The following XAB2 variants were observed in gnomAD, a reference collection of about 807,000 sequenced individuals.
XAB2 encodes the protein XPA binding protein 2, also known as pre-mRNA-splicing factor SYF1.
XAB2 carries 57 observed loss-of-function variants against 113.4 expected under a neutral mutation model. The observed-to-expected ratio is 0.50, with a 90% CI of 0.41 to 0.63. XAB2 has a LOEUF of 0.63. XAB2 is among the 20% of genes least tolerant of loss of function. XAB2 has a pLI of 0.00. For synonymous variants in XAB2, 497 were observed against 498.8 expected (o/e 1.00, Z 0.05); for missense variants, 1,037 against 1,233.3 (o/e 0.84, Z 2.38).
chr19:7,622,503 G>A (rs2031055181), intron 11 of XAB2, 27 bp downstream of exon 11: 6 of 1,613,662 alleles, frequency 3.7e-6, no homozygotes, highest in Non-Finnish European at 5.1e-6. Context: ...CCGGGGCCCC[G>A]TCCCTCCCCA....
In XAB2 at chr19:7,622,505, C is replaced by T. The variant is rs1459926972; in HGVS notation, c.1503+25G>A. 5.6e-6 allele frequency: 9 copies of T among 1,613,678 alleles called. No individual in the cohort carries two copies. The East Asian group carries it at 1.8e-4, about 32-fold the overall frequency. On this transcript the variant is annotated intron_variant, in intron 11 of 18. Transcript: ENST00000358368. ...TCTGGAGCTGAGTCCGGGGCCCCGTCCCTCCCCAGCCACAGGCAGCTCACC... is the reference window on the plus strand; with the variant it reads ...TCTGGAGCTGAGTCCGGGGCCCCGTTCCTCCCCAGCCACAGGCAGCTCACC...
chr19:7,623,368 G>A lies in XAB2; in HGVS notation c.1120-79C>T, dbSNP rs892261200. 3.2e-6 allele frequency: 5 copies of A among 1,574,326 alleles called. No individual in the cohort carries two copies. Among genetic ancestry groups the A allele is most frequent in the Admixed American group, 3.4e-5 (2 of 58,914 alleles). On this transcript the variant is annotated intron_variant, in intron 8 of 18. Transcript: ENST00000358368. The surrounding 1 kb of genome is among the most constrained non-coding windows in gnomAD (Gnocchi z 4.6). Reference sequence around the variant, plus strand: ...TCGGGGCAGAGCTGTGGCTCTGAGGGGTGGGGCCTGGAGGGTGCTGTGGCC... The same window carrying A: ...TCGGGGCAGAGCTGTGGCTCTGAGGAGTGGGGCCTGGAGGGTGCTGTGGCC...
chr19:7,621,095 G>GGGCCCCCCCCCCCCCCCCCCCCCCCCCCC, intron 13 of XAB2, 40 bp downstream of exon 13: 1 of 1,486,312 alleles, frequency 6.7e-7, no homozygotes, highest in Non-Finnish European at 9.0e-7. Flanking sequence ...CAGAAACCCA[G>GGGCCCCCCCCCCCCCCCCCCCCCCCCCCC]CCCGCCCGCC....
At chr19:7,621,583 AC>A in intron 12 of XAB2, 1 of 453,708 alleles carries the variant, frequency 2.2e-6, no homozygotes. Context: ...AGCTCCGCTG[AC>A]GCTGGCTGCC....
Position 7,623,104 on chromosome 19 carries a change from A to C in XAB2, c.1239+66T>G. 6.3e-7 allele frequency: 1 copy of C among 1,598,118 alleles called. No individual in the cohort carries two copies. Among genetic ancestry groups the C allele is most frequent in the South Asian group, 1.1e-5 (1 of 89,974 alleles). On this transcript the variant is annotated intron_variant, in intron 9 of 18. Transcript: ENST00000358368. The surrounding 1 kb of genome is among the most constrained non-coding windows in gnomAD (Gnocchi z 4.6). ...CATGCACAAATATGTACACACACAT[A>C]CATGCACACATATACAAGCACACAC... is the stretch of plus-strand genomic sequence containing the variant.
Position 7,625,546 on chromosome 19 carries a change from G to A in XAB2, c.822+334C>T, listed in dbSNP as rs1245022312. On this transcript the variant is annotated intron_variant, in intron 6 of 18. Coordinates refer to ENST00000358368, the MANE Select transcript of XAB2 (RefSeq NM_020196.3). This position sits in a 1 kb window ranked among gnomAD's most constrained non-coding sequence, Gnocchi z 5.2. ...CAGGCTGGACTTCCGTGGCGCGATCGCAGCTCACGGCAACCTCCACCTCCC... is the reference window on the plus strand; with the variant it reads ...CAGGCTGGACTTCCGTGGCGCGATCACAGCTCACGGCAACCTCCACCTCCC... Among the ~76,000 whole-genome samples the A allele has an allele frequency of 6.9e-6, 1 of 144,216 alleles. No individual in the cohort carries two copies. Among genetic ancestry groups the A allele is most frequent in the Non-Finnish European group, 1.5e-5 (1 of 67,018 alleles). The allele number at this position is 144,216 out of a possible 152,430, so 94.6% of individuals were successfully genotyped here.
chr19:7,623,015 G>C lies in XAB2; in HGVS notation c.1240-122C>G. 6.5e-7 allele frequency: 1 copy of C among 1,536,840 alleles called. No homozygotes were observed. Among genetic ancestry groups the C allele is most frequent in the Admixed American group, 1.9e-5 (1 of 52,528 alleles). ...GCACAAACACACAGGCACACACACAGGCACACACATGCGTGCACATATGCA... is the reference window on the plus strand; with the variant it reads ...GCACAAACACACAGGCACACACACACGCACACACATGCGTGCACATATGCA... On this transcript the variant is annotated intron_variant, in intron 9 of 18. Transcript: ENST00000358368. The surrounding 1 kb of genome is among the most constrained non-coding windows in gnomAD (Gnocchi z 4.6).
At position 7,623,378 on chromosome 19, in the gene XAB2, G is replaced by C; in HGVS notation, c.1120-89C>G. ...GCTGTGGCTCTGAGGGGTGGGGCCT[G>C]GAGGGTGCTGTGGCCCCTGTCGGGA... On this transcript the variant is annotated intron_variant, in intron 8 of 18. Coordinates refer to ENST00000358368, the MANE Select transcript of XAB2 (RefSeq NM_020196.3). This position sits in a 1 kb window ranked among gnomAD's most constrained non-coding sequence, Gnocchi z 4.6. 6.5e-7 allele frequency: 1 copy of C among 1,548,280 alleles called. No individual in the cohort carries two copies. Among genetic ancestry groups the C allele is most frequent in the Non-Finnish European group, 8.8e-7 (1 of 1,139,774 alleles).
rs375678552 is a variant in XAB2 at position 7,620,694 on chromosome 19, G to A, written c.1972-25C>T. 2.4e-4 allele frequency: 392 copies of A among 1,610,562 alleles called. 1 individual carries two copies. The highest frequency in any genetic ancestry group is 3.1e-4 in the Non-Finnish European group (370 of 1,178,752). On this transcript the variant is annotated intron_variant, in intron 14 of 18. Transcript: ENST00000358368. Reference sequence around the variant, plus strand: ...CCTGGACACCGGGGTTGGGGAGGCCGGGAGTGAGGCCGGGGTAGCTCGGGG... The same window carrying A: ...CCTGGACACCGGGGTTGGGGAGGCCAGGAGTGAGGCCGGGGTAGCTCGGGG...
In XAB2 at chr19:7,624,537, G is replaced by A. The variant is rs927084044; in HGVS notation, c.823-92C>T. 1.3e-6 allele frequency: 2 copies of A among 1,582,906 alleles called. No individual in the cohort carries two copies. The highest frequency in any genetic ancestry group is 1.7e-6 in the Non-Finnish European group (2 of 1,165,888). ...GCACCAGCCTCAATGTGGAACCCCTGGGGGCCTTCTGGGTAGTGACGCATC... is the reference window on the plus strand; with the variant it reads ...GCACCAGCCTCAATGTGGAACCCCTAGGGGCCTTCTGGGTAGTGACGCATC... On this transcript the variant is annotated intron_variant, in intron 6 of 18. Transcript: ENST00000358368. This position sits in a 1 kb window ranked among gnomAD's most constrained non-coding sequence, Gnocchi z 4.2.
intron 16 of XAB2, 49 bp downstream of exon 16, chr19:7,620,226 C>G: frequency 3.1e-6 from 5 of 1,609,070 alleles, no homozygotes; most frequent in Non-Finnish European, 4.2e-6. Flanking sequence ...CAGGTCAGGC[C>G]GGGCTGAGAT....
intron 4 of XAB2, 77 bp from the exon 5 acceptor site, chr19:7,626,347 G>A (rs1328859306): frequency 1.3e-6 from 2 of 1,559,598 alleles, no homozygotes; most frequent in East Asian, 2.3e-5. Context: ...TGGCTTCGGG[G>A]CGTCCCCCCC....
chr19:7,629,288 A>G (rs1298760893), intron 1 of XAB2, among the ~76,000 whole-genome samples, 189 bp downstream of exon 1: 1 of 152,164 alleles, frequency 6.6e-6, no homozygotes, highest in Admixed American at 6.5e-5. Flanking sequence ...CCGAAGATAC[A>G]ACACCATATT....
intron 4 of XAB2, 110 bp from the exon 5 acceptor site, chr19:7,626,380 G>C: frequency 6.8e-7 from 1 of 1,466,130 alleles, no homozygotes; most frequent in South Asian, 1.2e-5. Flanking sequence ...AGTGTCTTGG[G>C]CAAAAGCAAG....
At position 7,627,816 on chromosome 19, in the gene XAB2, C is replaced by T. The variant is rs765320803; in HGVS notation, c.236G>A (p.Arg79Gln). 1.4e-5 allele frequency: 22 copies of T among 1,613,902 alleles called. No homozygotes were observed. The highest frequency in any genetic ancestry group is 2.2e-5 in the South Asian group (2 of 91,088). ...CACACAGCGATGCTTCACCTGTGCC[C>T]GACGCGCCTTCAGGTATCGGTACCA... Reference protein sequence around the residue: ...KLWYRYLKARRAQVKHRCVTD... With the variant: ...KLWYRYLKARQAQVKHRCVTD... The change falls in exon 3 of 19, where the codon CGG becomes CAG. Residue 79 changes from arginine (R) to glutamine (Q), a missense_variant. Transcript: ENST00000358368. The surrounding 1 kb of genome is among the most constrained non-coding windows in gnomAD (Gnocchi z 4.5).
rs772962561 is a variant in XAB2 at position 7,619,956 on chromosome 19, G to A, written c.2386C>T (p.Leu796=). ...AGGATCCGCCCTCACCTCACGAACA[G>A]GATCTTGCTCTGGGCGCGCAAGGGC... is the stretch of plus-strand genomic sequence containing the variant. ...DQPLRAQSKI[L]FVRSDASREE... Residue 796 remains leucine (L), a synonymous_variant, in exon 17 of 19, where the codon CTG becomes TTG. Transcript: ENST00000358368. The A allele has an allele frequency of 6.2e-7, 1 of 1,611,578 alleles. No individual in the cohort carries two copies. The highest frequency in any genetic ancestry group is 8.5e-7 in the Non-Finnish European group (1 of 1,179,946).
chr19:7,621,214 G>A lies in XAB2; in HGVS notation c.1701C>T (p.Arg567=), dbSNP rs147120824. The change falls in exon 13 of 19, where the codon CGC becomes CGT. Residue 567 remains arginine, a synonymous_variant. Coordinates refer to ENST00000358368, the MANE Select transcript of XAB2 (RefSeq NM_020196.3). ...CCCGCTCCAGCTTGCGGCCCCCATA[G>A]CGGGCAATGAATTTGGTCAGGTAGG... ...WSTYLTKFIA[R]YGGRKLERAR... The A allele has an allele frequency of 2.2e-4, 353 of 1,612,916 alleles. 1 individual carries two copies. The East Asian group carries it at 7.6e-3, about 35-fold the overall frequency.
rs2031161081 is a variant in XAB2 at position 7,627,348 on chromosome 19, T to G, written c.417A>C (p.Ala139=). 1 of 1,613,584 alleles carries G rather than the reference T, an allele frequency of 6.2e-7. No homozygotes were observed. The highest frequency in any genetic ancestry group is 8.5e-7 in the Non-Finnish European group (1 of 1,179,920). Residue 139 remains alanine (A), a synonymous_variant, in exon 4 of 19, where the codon GCA becomes GCC. Coordinates refer to ENST00000358368, the MANE Select transcript of XAB2 (RefSeq NM_020196.3). This position sits in a 1 kb window ranked among gnomAD's most constrained non-coding sequence, Gnocchi z 4.5. The part of the protein sequence containing the change: ...TRRTFDRALR[A]LPITQHSRIW... ...TTCGAGAGTGCTGCGTGATGGGCAG[T>G]GCCCGGAGGGCACGGTCGAAGGTGC...
intron 18 of XAB2, 46 bp from the exon 19 acceptor site, chr19:7,619,693 C>G (rs1471315380): frequency 2.5e-5 from 40 of 1,607,114 alleles, no homozygotes; most frequent in Non-Finnish European, 3.1e-5. Flanking sequence ...GTTGGCCTGT[C>G]CCCCGAGGCC....
Sources: allele counts gnomAD v4.1 joint callset (sites outside exome capture counted in the v4.1 genomes callset), GRCh38; gene constraint gnomAD v4.1.1; non-coding constraint Gnocchi (gnomAD v3.1); transcripts MANE v1.5; gene names NCBI Gene and HGNC (gene_info 2026-07-23, HGNC 2026-07-21).